Variants in PCSK6 observed in about 807,000 individuals in gnomAD.
The protein encoded by PCSK6 is proprotein convertase subtilisin/kexin type 6.
In PCSK6, 85 loss-of-function variants were observed where a neutral mutation model predicts 123.3. That is an observed-to-expected ratio of 0.69 (90% CI 0.58 to 0.83). PCSK6 has a LOEUF of 0.83. Among genes scored for constraint, PCSK6 ranks in the 40% least tolerant of loss-of-function variants. PCSK6 has a pLI of 0.00. For synonymous variants in PCSK6, 508 were observed against 516.0 expected, an observed-to-expected ratio of 0.98 and a Z score of 0.21; for missense variants, 1,191 against 1,282.3, an observed-to-expected ratio of 0.93 and a Z score of 1.09.
At chr15:101,394,969 A>C (rs1368785733) in intron 7 of PCSK6, among the ~76,000 whole-genome samples, 1 of 152,238 alleles carries the variant, frequency 6.6e-6, no homozygotes, top group Non-Finnish European at 1.5e-5. Flanking sequence ...TTCTGAGAGA[A>C]AGGCACAAAG....
intron 9 of PCSK6, among the ~76,000 whole-genome samples, chr15:101,386,178 G>A (rs1476086990): frequency 6.6e-6 from 1 of 152,106 alleles, no homozygotes; most frequent in African/African-American, 2.4e-5. Flanking sequence ...TGCTGCCTCA[G>A]GGAATGTGAC....
At chr15:101,343,716 C>G (rs1273978458) in intron 13 of PCSK6, among the ~76,000 whole-genome samples, 1 of 152,202 alleles carries the variant, frequency 6.6e-6, no homozygotes, top group East Asian at 1.9e-4. Context: ...TATATGCTAC[C>G]AATCCTTGGA....
At chr15:101,483,216 C>T (rs2057934516) in intron 1 of PCSK6, among the ~76,000 whole-genome samples, 1 of 152,202 alleles carries the variant, frequency 6.6e-6, no homozygotes, top group Non-Finnish European at 1.5e-5. Context: ...CTACCAAACC[C>T]CTGACGCTGT....
At chr15:101,320,612 C>A (rs569534245) in intron 18 of PCSK6, among the ~76,000 whole-genome samples, 6 of 152,216 alleles carry the variant, frequency 3.9e-5, no homozygotes, top group African/African-American at 9.6e-5. Context: ...ACCCGGCGCC[C>A]TTCCTCTTCA....
At chr15:101,358,190 G>C (rs2041103474) in intron 13 of PCSK6, among the ~76,000 whole-genome samples, 1 of 152,180 alleles carries the variant, frequency 6.6e-6, no homozygotes, top group African/African-American at 2.4e-5. Flanking sequence ...GGGGTAGGCG[G>C]AGTAAGGCAG....
intron 6 of PCSK6, among the ~76,000 whole-genome samples, chr15:101,410,724 G>T (rs774212744): frequency 1.8e-4 from 28 of 152,334 alleles, no homozygotes; most frequent in Admixed American, 3.3e-4. Context: ...GCATCAGAAG[G>T]CTATGATTGC....
intron 1 of PCSK6, among the ~76,000 whole-genome samples, chr15:101,445,547 C>T (rs2056866818): frequency 6.6e-6 from 1 of 152,186 alleles, no homozygotes; most frequent in African/African-American, 2.4e-5. Flanking sequence ...ACAGATAAGT[C>T]ACCTTGCTCA....
chr15:101,405,174 A>G (rs1354037746), intron 6 of PCSK6, among the ~76,000 whole-genome samples: 1 of 152,226 alleles, frequency 6.6e-6, no homozygotes, highest in Non-Finnish European at 1.5e-5. Context: ...CTCTCTGGAA[A>G]TGCCAAGGAG....
At chr15:101,327,749 T>A (rs2040289061) in intron 15 of PCSK6, among the ~76,000 whole-genome samples, 1 of 152,136 alleles carries the variant, frequency 6.6e-6, no homozygotes, top group Non-Finnish European at 1.5e-5. Context: ...CTCCAGACCT[T>A]GCCAGTGTTA....
chr15:101,369,377 T>C (rs1197534657), intron 12 of PCSK6, among the ~76,000 whole-genome samples: 1 of 152,226 alleles, frequency 6.6e-6, no homozygotes, highest in East Asian at 1.9e-4. Context: ...TCTGAATCTC[T>C]GCAGCTCCCT....
chr15:101,341,314 T>A (rs901602101), intron 13 of PCSK6, among the ~76,000 whole-genome samples: 1 of 147,028 alleles, frequency 6.8e-6, no homozygotes, highest in African/African-American at 2.5e-5. Flanking sequence ...AGTGGTGCAA[T>A]CTCGGCTCAC....
chr15:101,436,200 A>T (rs2056595749), intron 2 of PCSK6, among the ~76,000 whole-genome samples: 2 of 152,136 alleles, frequency 1.3e-5, no homozygotes, highest in African/African-American at 4.8e-5. Context: ...AGTTCTTGGG[A>T]GCTGGAGAGT....
At chr15:101,450,192 G>A (rs1234353447) in intron 1 of PCSK6, among the ~76,000 whole-genome samples, 5 of 151,130 alleles carry the variant, frequency 3.3e-5, no homozygotes, top group Non-Finnish European at 7.4e-5. Context: ...TTGGACCCTC[G>A]CTGGCCTCTT....
intron 1 of PCSK6, among the ~76,000 whole-genome samples, chr15:101,445,167 G>A (rs2056855275): frequency 6.6e-6 from 1 of 152,202 alleles, no homozygotes; most frequent in South Asian, 2.1e-4. Flanking sequence ...AACCTAGTGG[G>A]CATTCAGCAA....
Position 101,489,686 on chromosome 15 carries a change from G to T in PCSK6, c.-16C>A. 1.0e-6 allele frequency: 1 copy of T among 970,936 alleles called. No individual in the cohort carries two copies. Among genetic ancestry groups the T allele is most frequent in the South Asian group, 4.6e-5 (1 of 21,692 alleles). The allele number at this position is 970,936 out of a possible 1,614,324, so 60.1% of individuals were successfully genotyped here. On this transcript the variant is annotated 5_prime_UTR_variant, in exon 1 of 22. Transcript: ENST00000611716. ...GCGGAGGCATAGCGGCGACAGGCTC[G>T]CGCGGCGCCCGAGCTGCGAGTGCGC...
At position 101,449,093 on chromosome 15, in the gene PCSK6, G is replaced by T. The variant is rs112389671; in HGVS notation, c.298-5433C>A. Reference sequence around the variant, plus strand: ...TATACAGTCATGCCTTGGCATCCGTGGGGGGCTGGTTCCAGGCCACCCTGC... The same window carrying T: ...TATACAGTCATGCCTTGGCATCCGTTGGGGGCTGGTTCCAGGCCACCCTGC... On this transcript the variant is annotated intron_variant, in intron 1 of 21. Transcript: ENST00000611716. 3.7e-3 allele frequency among the ~76,000 whole-genome samples: 560 copies of T among 152,122 alleles called. 2 individuals are homozygous for T. Among genetic ancestry groups the T allele is most frequent in the Non-Finnish European group, 6.2e-3 (421 of 68,004 alleles).
chr15:101,484,111 C>G (rs1222876049), intron 1 of PCSK6, among the ~76,000 whole-genome samples: 2 of 151,804 alleles, frequency 1.3e-5, no homozygotes, highest in African/African-American at 4.9e-5. Flanking sequence ...TGTAATATAC[C>G]CTGATACAAA....
At position 101,489,566 on chromosome 15, in the gene PCSK6, GC is replaced by G. The variant is rs1382718024; in HGVS notation, c.104del (p.Gly35AlafsTer86). 1 of 896,190 alleles carries G rather than the reference GC, an allele frequency of 1.1e-6. No homozygotes were observed. The highest frequency in any genetic ancestry group is 1.3e-6 in the Non-Finnish European group (1 of 778,410). The allele number at this position is 896,190 out of a possible 1,614,324, so 55.5% of individuals were successfully genotyped here. ...GCGGCCGGAACCCGGGCCCGCCGGC[GC>G]CCCCCGCGCCCCCCGCGCCCCCCGC... ...AGAGGAGGAG[G>X]AGGPGFRPLA... On this transcript the variant is annotated frameshift_variant, in exon 1 of 22. Coordinates refer to ENST00000611716, the MANE Select transcript of PCSK6 (RefSeq NM_002570.5). LOFTEE classifies it high-confidence loss of function.
Position 101,463,315 on chromosome 15 carries a change from G to T in PCSK6, c.298-19655C>A, listed in dbSNP as rs191299123. ...CCTTCTACAGGGTAACTTCTGGCTGGCCGTGTTTCTCCCCGAATATCACTG... is the reference window on the plus strand; with the variant it reads ...CCTTCTACAGGGTAACTTCTGGCTGTCCGTGTTTCTCCCCGAATATCACTG... On this transcript the variant is annotated intron_variant, in intron 1 of 21. Coordinates refer to ENST00000611716, the MANE Select transcript of PCSK6 (RefSeq NM_002570.5). Among the ~76,000 whole-genome samples, 12 of 152,200 alleles carry T rather than the reference G, an allele frequency of 7.9e-5. No homozygotes were observed. The East Asian group carries it at 2.1e-3, about 27-fold the overall frequency.
Sources: allele counts gnomAD v4.1 joint callset (sites outside exome capture counted in the v4.1 genomes callset), GRCh38; gene constraint gnomAD v4.1.1; transcripts MANE v1.5; gene names NCBI Gene and HGNC (gene_info 2026-07-23, HGNC 2026-07-21).